Variants in AKIRIN1 observed in about 807,000 individuals in gnomAD.
AKIRIN1 encodes the protein akirin-1.
AKIRIN1 carries 4 observed loss-of-function variants against 25.9 expected under a neutral mutation model. The observed-to-expected ratio is 0.15, with a 90% CI of 0.08 to 0.35. The LOEUF (loss-of-function observed/expected upper bound fraction) is 0.35, where lower values mean the gene tolerates loss of function less well. AKIRIN1 is among the 10% of genes least tolerant of loss of function. The pLI, the probability that AKIRIN1 is intolerant of heterozygous loss-of-function variation, is 1.00. For synonymous variants in AKIRIN1, 125 were observed against 105.1 expected (o/e 1.19, Z -1.16); for missense variants, 243 against 266.1 (o/e 0.91, Z 0.61).
At chr1:39,000,487 A>G (rs1378541378) in intron 2 of AKIRIN1, among the ~76,000 whole-genome samples, 1 of 150,834 alleles carries the variant, frequency 6.6e-6, no homozygotes, top group African/African-American at 2.4e-5. Context: ...AGCTGGAATT[A>G]CAGGTGCCCA....
intron 1 of AKIRIN1, among the ~76,000 whole-genome samples, chr1:38,995,189 A>G (rs1411127486): frequency 1.3e-5 from 2 of 152,182 alleles, no homozygotes; most frequent in African/African-American, 4.8e-5. Flanking sequence ...CCATGAGAGC[A>G]AAGTCCAAAA....
rs757631288 is a variant in AKIRIN1, at chr1:38,998,190, A to G, written c.240A>G (p.Ile80Met). The change falls in exon 2 of 5, where the codon ATA becomes ATG. Residue 80 changes from isoleucine (I) to methionine (M), a missense_variant. Around this residue, in one of 3 missense-constraint regions of AKIRIN1, gnomAD observed 190 missense variants for 174.4 expected, o/e 1.09. Coordinates refer to ENST00000432648, the MANE Select transcript of AKIRIN1 (RefSeq NM_024595.3). ...TATTAGAGCAAATTTTTCAGAACAT[A>G]AAACAAGAATATAGTCGTTATCAGA... ...LPTPEQIFQN[I>M]KQEYSRYQRW... is the part of the protein sequence containing the mutation. 7 of 1,609,972 alleles carry G rather than the reference A, an allele frequency of 4.3e-6. No homozygotes were observed. The Middle Eastern group carries it at 4.9e-4, about 114-fold the overall frequency.
At chr1:38,998,955 GTTGTA>G (rs1431116863) in intron 2 of AKIRIN1, among the ~76,000 whole-genome samples, 2 of 152,156 alleles carry the variant, frequency 1.3e-5, no homozygotes, top group African/African-American at 2.4e-5. Context: ...ACATATGGCT[GTTGTA>G]TTGTACATGC....
At position 39,004,080 on chromosome 1, in the gene AKIRIN1, A is replaced by G; in HGVS notation, c.*25A>G. 2 of 1,609,666 alleles carry G rather than the reference A, an allele frequency of 1.2e-6. No homozygotes were observed. Among genetic ancestry groups the G allele is most frequent in the Non-Finnish European group, 1.7e-6 (2 of 1,176,016 alleles). On this transcript the variant is annotated 3_prime_UTR_variant, in exon 5 of 5. Coordinates refer to ENST00000432648, the MANE Select transcript of AKIRIN1 (RefSeq NM_024595.3). Reference sequence around the variant, plus strand: ...AAGCTTTGTCACATATCTGGGTACCAGGTTTGACCTCAAGAGATGGCTGCT... The same window carrying G: ...AAGCTTTGTCACATATCTGGGTACCGGGTTTGACCTCAAGAGATGGCTGCT...
intron 3 of AKIRIN1, among the ~76,000 whole-genome samples, chr1:39,002,400 T>C (rs1348671098): frequency 6.6e-6 from 1 of 152,182 alleles, no homozygotes; most frequent in East Asian, 1.9e-4. Flanking sequence ...AGTTCCTTTA[T>C]AGTAGAACTA....
At chr1:38,991,906 C>G (rs149072309) in intron 1 of AKIRIN1, among the ~76,000 whole-genome samples, 563 of 152,106 alleles carry the variant, frequency 3.7e-3, no homozygotes, top group Non-Finnish European at 5.2e-3. Flanking sequence ...TGAAGCCCCT[C>G]CTTCCTCCGC....
At position 39,003,408 on chromosome 1, in the gene AKIRIN1, G is replaced by A. The variant is rs746307412; in HGVS notation, c.558G>A (p.Arg186=). The A allele has an allele frequency of 5.6e-6, 9 of 1,613,082 alleles. No homozygotes were observed. The East Asian group carries it at 1.8e-4, about 32-fold the overall frequency. ...HDQIMRRYGT[R]PTSYVS is the part of the protein sequence containing the mutation. Reference sequence around the variant, plus strand: ...AGATTATGCGACGGTATGGGACAAGGCCAACAAGCTGTAAGTATTGCCACA... The same window carrying A: ...AGATTATGCGACGGTATGGGACAAGACCAACAAGCTGTAAGTATTGCCACA... Residue 186 remains arginine (R), a synonymous_variant, in exon 4 of 5, where the codon AGG becomes AGA. Transcript: ENST00000432648.
intron 1 of AKIRIN1, among the ~76,000 whole-genome samples, chr1:38,992,860 C>G (rs1037588365): frequency 6.6e-6 from 1 of 152,188 alleles, no homozygotes; most frequent in Admixed American, 6.5e-5. Flanking sequence ...AGTCTCTTAT[C>G]CATTAGCTGA....
At chr1:38,991,672 G>GGGT in intron 1 of AKIRIN1, 72 bp downstream of exon 1, 1 of 469,284 alleles carries the variant, frequency 2.1e-6, no homozygotes, top group Non-Finnish European at 3.1e-6. Context: ...GTGGGGGAGG[G>GGGT]TTGGGAATAC....
rs1377979709 is a variant in AKIRIN1 at position 38,999,855 on chromosome 1, GTTTTGTTTTTTTGT to G, written c.362-1105_362-1092del. 4.0e-5 allele frequency among the ~76,000 whole-genome samples: 6 copies of G among 148,336 alleles called. No individual in the cohort carries two copies. The East Asian group carries it at 1.2e-3, about 29-fold the overall frequency. The stretch of plus-strand genomic sequence containing the variant: ...GCTGCTGCCCATGTTTTTTTGTTTT[GTTTTGTTTTTTTGT>G]TTTTGTTTTTTGTTTTTTGTTTTTT... On this transcript the variant is annotated intron_variant, in intron 2 of 4. Transcript: ENST00000432648.
In AKIRIN1 at chr1:38,991,465, G is replaced by A; in HGVS notation, c.85G>A (p.Ala29Thr). The A allele has an allele frequency of 1.4e-6, 2 of 1,390,326 alleles. No homozygotes were observed. The highest frequency in any genetic ancestry group is 2.6e-4 in the Middle Eastern group (1 of 3,850). 86.1% of individuals were successfully genotyped at this position (1,390,326 alleles called of 1,614,324 possible). The change falls in exon 1 of 5, where the codon GCC becomes ACC. Residue 29 changes from alanine (A) to threonine (T), a missense_variant. This residue lies in a region of AKIRIN1 where 28 missense variants were observed against 46.4 expected (regional missense o/e 0.60). Coordinates refer to ENST00000432648, the MANE Select transcript of AKIRIN1 (RefSeq NM_024595.3). ...CGGCTCCCCGAAGCGGCGGCGCTGC[G>A]CCCCTCTGCCCGGCCCCACTCCGGG... ...SPGSPKRRRC[A>T]PLPGPTPGLR...
At chr1:39,001,222 C>T (rs528657581) in intron 3 of AKIRIN1, 116 bp downstream of exon 3, 38 of 1,196,322 alleles carry the variant, frequency 3.2e-5, no homozygotes, top group South Asian at 2.3e-4. Flanking sequence ...TATTGAGTTG[C>T]GGGTATGGAA....
rs533537125 is a variant in AKIRIN1, at chr1:38,996,867, A to G, written c.221-1304A>G. ...CTTAAAGCATCTCCTACATTGTTCT[A>G]GTATTTAGGCTGAAAGTTAGGGACT... On this transcript the variant is annotated intron_variant, in intron 1 of 4. Coordinates refer to ENST00000432648, the MANE Select transcript of AKIRIN1 (RefSeq NM_024595.3). Among the ~76,000 whole-genome samples the G allele has an allele frequency of 9.8e-5, 15 of 152,296 alleles. No individual in the cohort carries two copies. In the East Asian group the frequency reaches 2.7e-3, roughly 27 times the overall value.
intron 2 of AKIRIN1, 77 bp from the exon 3 acceptor site, chr1:39,000,873 TCCACCTCAGATGATCCGCCTGC>T: frequency 1.5e-6 from 2 of 1,341,740 alleles, no homozygotes. Flanking sequence ...CAGGCTGGTC[TCCACCTCAGATGATCCGCCTGC>T]CTTGGCCTCC....
At chr1:38,991,940 C>T (rs968782703) in intron 1 of AKIRIN1, among the ~76,000 whole-genome samples, 2 of 151,404 alleles carry the variant, frequency 1.3e-5, no homozygotes, top group African/African-American at 4.9e-5. Flanking sequence ...ACCGAGCAAC[C>T]CTGCAGATCC....
chr1:38,998,792 G>A (rs1643966869), intron 2 of AKIRIN1, among the ~76,000 whole-genome samples: 1 of 151,742 alleles, frequency 6.6e-6, no homozygotes, highest in Non-Finnish European at 1.5e-5. Context: ...TGTAATCCCA[G>A]CTACTCGGGA....
In AKIRIN1 at chr1:39,001,037, C is replaced by G; in HGVS notation, c.427C>G (p.Arg143Gly). ...CCGACAAGTTGGCATAATATGTGAG[C>G]GCCTCTTAAAAGACTATGAAGATAA... ...TLRQVGIICE[R>G]LLKDYEDKIR... The change falls in exon 3 of 5, where the codon CGC becomes GGC. Residue 143 changes from arginine (R) to glycine (G), a missense_variant. By Grantham distance (125) the Arg-to-Gly change is moderately radical. Around this residue, in one of 3 missense-constraint regions of AKIRIN1, gnomAD observed 190 missense variants for 174.4 expected, o/e 1.09. Transcript: ENST00000432648. 6.2e-7 allele frequency: 1 copy of G among 1,613,776 alleles called. No homozygotes were observed.
At chr1:38,992,729 C>T (rs1643915879) in intron 1 of AKIRIN1, among the ~76,000 whole-genome samples, 1 of 152,144 alleles carries the variant, frequency 6.6e-6, no homozygotes, top group Non-Finnish European at 1.5e-5. Context: ...CCATATCTTA[C>T]CTAGTCAGTC....
chr1:38,996,731 A>G (rs1166193229), intron 1 of AKIRIN1, among the ~76,000 whole-genome samples: 1 of 151,200 alleles, frequency 6.6e-6, no homozygotes, highest in Non-Finnish European at 1.5e-5. Flanking sequence ...GTGTTTCACC[A>G]TGTTAGCCAA....
Sources: allele counts gnomAD v4.1 joint callset (sites outside exome capture counted in the v4.1 genomes callset), GRCh38; gene constraint gnomAD v4.1.1; regional missense constraint gnomAD v4.1.1; transcripts MANE v1.5; gene names NCBI Gene and HGNC (gene_info 2026-07-23, HGNC 2026-07-21).